The following DCAF10 variants were observed in gnomAD, a reference collection of about 807,000 sequenced individuals.
The protein encoded by DCAF10 is DDB1 and CUL4 associated factor 10, also known as DDB1- and CUL4-associated factor 10.
Under a neutral mutation model 51.9 loss-of-function variants are expected in DCAF10, and 19 were observed. The ratio of observed to expected loss-of-function variants is 0.37; its 90% CI spans 0.26 to 0.54. The LOEUF (loss-of-function observed/expected upper bound fraction) is 0.54, where lower values mean the gene tolerates loss of function less well. Ranked by LOEUF, DCAF10 falls within the 20% of genes least tolerant of loss-of-function variation. DCAF10 has a pLI of 0.87. For synonymous variants in DCAF10, 291 were observed against 297.1 expected (o/e 0.98, Z 0.21); for missense variants, 510 against 730.6 (o/e 0.70, Z 3.48).
In DCAF10 at chr9:37,811,043, T is replaced by TA. The variant is rs1228972676; in HGVS notation, c.540-8244dup. Among the ~76,000 whole-genome samples, 5 of 152,206 alleles carry TA rather than the reference T, an allele frequency of 3.3e-5. No individual in the cohort carries two copies. In the East Asian group the frequency reaches 9.7e-4, roughly 29 times the overall value. On this transcript the variant is annotated intron_variant, in intron 1 of 6. Coordinates refer to ENST00000377724, the MANE Select transcript of DCAF10 (RefSeq NM_024345.5). ...ATGAATCTTCTATGGAAGAAGAAAA[T>TA]ATGCAGCTGAGTGCCGTGGCTTACA...
At position 37,864,119 on chromosome 9, in the gene DCAF10, C is replaced by A. The variant is rs1453758236; in HGVS notation, c.*2611C>A. ...TGGGCAACATGGCGAAACCCCATCT[C>A]TACCAAAAATACAAAAATTAGATGG... On this transcript the variant is annotated 3_prime_UTR_variant, in exon 7 of 7. Coordinates refer to ENST00000377724, the MANE Select transcript of DCAF10 (RefSeq NM_024345.5). 1 of 152,010 alleles carries A rather than the reference C, an allele frequency of 6.6e-6. No homozygotes were observed. The highest frequency in any genetic ancestry group is 2.4e-5 in the African/African-American group (1 of 41,332). The allele number at this position is 152,010 out of a possible 1,614,324, so 9.4% of individuals were successfully genotyped here.
chr9:37,803,346 TAATA>T (rs1829014425), intron 1 of DCAF10, among the ~76,000 whole-genome samples: 1 of 152,182 alleles, frequency 6.6e-6, no homozygotes, highest in Admixed American at 6.6e-5. Flanking sequence ...CTGCTTATGT[TAATA>T]AATATATTTC....
chr9:37,857,366 G>T lies in DCAF10; in HGVS notation c.1165+15G>T. The T allele has an allele frequency of 6.4e-7, 1 of 1,563,818 alleles. No individual in the cohort carries two copies. Among genetic ancestry groups the T allele is most frequent in the Non-Finnish European group, 8.7e-7 (1 of 1,151,258 alleles). ...TCAAAGAGAAGGTAGGTTAAAAGTTGGATTTTATAATCTTGTAACAACAGA... is the reference window on the plus strand; with the variant it reads ...TCAAAGAGAAGGTAGGTTAAAAGTTTGATTTTATAATCTTGTAACAACAGA... On this transcript the variant is annotated intron_variant, in intron 5 of 6. Transcript: ENST00000377724.
At chr9:37,846,573 C>T (rs1830479032) in intron 3 of DCAF10, among the ~76,000 whole-genome samples, 1 of 152,142 alleles carries the variant, frequency 6.6e-6, no homozygotes, top group Non-Finnish European at 1.5e-5. Context: ...CCTCCTGCCT[C>T]AGCCTCCTAA....
intron 2 of DCAF10, among the ~76,000 whole-genome samples, chr9:37,840,222 G>A (rs1830291072): frequency 6.6e-6 from 1 of 152,086 alleles, no homozygotes; most frequent in South Asian, 2.1e-4. Context: ...TACTTACTAT[G>A]TTATACTTAT....
chr9:37,838,076 AAGAT>A (rs1320328541), intron 2 of DCAF10, among the ~76,000 whole-genome samples: 1 of 152,204 alleles, frequency 6.6e-6, no homozygotes, highest in Admixed American at 6.5e-5. Flanking sequence ...AACCATATAA[AAGAT>A]AGAAATATGT....
At position 37,866,523 on chromosome 9, in the gene DCAF10, T is replaced by C. The variant is rs1831140626; in HGVS notation, c.*5015T>C. ...TATGTCTTCTCCCACACTATCAATA[T>C]GCCTGCTTCTAACAGGCTCCCCACT... On this transcript the variant is annotated 3_prime_UTR_variant, in exon 7 of 7. Coordinates refer to ENST00000377724, the MANE Select transcript of DCAF10 (RefSeq NM_024345.5). 1 of 152,244 alleles carries C rather than the reference T, an allele frequency of 6.6e-6. No homozygotes were observed. The highest frequency in any genetic ancestry group is 1.5e-5 in the Non-Finnish European group (1 of 68,032). 9.4% of individuals were successfully genotyped at this position (152,244 alleles called of 1,614,324 possible). A position where few individuals can be genotyped will look rare whatever the true frequency, so the allele number is the denominator to read the frequency against.
chr9:37,857,372 T>C (rs1298795303), intron 5 of DCAF10, 21 bp downstream of exon 5: 2 of 1,536,482 alleles, frequency 1.3e-6, no homozygotes, highest in African/African-American at 1.4e-5. Flanking sequence ...AGTTGGATTT[T>C]ATAATCTTGT....
rs1316846904 is a variant in DCAF10, at chr9:37,865,831, G to A, written c.*4323G>A. The stretch of plus-strand genomic sequence containing the variant: ...ACTATACTAAAAACTTTAAGAAAAG[G>A]AACAAGAAAAAGGTAAATTCATGTG... On this transcript the variant is annotated 3_prime_UTR_variant, in exon 7 of 7. Coordinates refer to ENST00000377724, the MANE Select transcript of DCAF10 (RefSeq NM_024345.5). 6.6e-6 allele frequency: 1 copy of A among 152,004 alleles called. No individual in the cohort carries two copies. Among genetic ancestry groups the A allele is most frequent in the African/African-American group, 2.4e-5 (1 of 41,282 alleles). 9.4% of individuals were successfully genotyped at this position (152,004 alleles called of 1,614,324 possible). A position where few individuals can be genotyped will look rare whatever the true frequency, so the allele number is the denominator to read the frequency against.
chr9:37,857,318 G>A lies in DCAF10; in HGVS notation c.1132G>A (p.Glu378Lys). ...TCATCATAGTGATTCTAATTCTTCT[G>A]AGAAACACATGTCACGAGCCTCTCA... ...PCHHSDSNSS[E>K]KHMSRASQRE... is the part of the protein sequence containing the mutation. The change falls in exon 5 of 7, where the codon GAG becomes AAG. Residue 378 changes from glutamate (E) to lysine (K), a missense_variant. Glu to Lys is a moderately conservative substitution (Grantham distance 56). Transcript: ENST00000377724. 6.2e-7 allele frequency: 1 copy of A among 1,610,508 alleles called. No individual in the cohort carries two copies. The highest frequency in any genetic ancestry group is 8.5e-7 in the Non-Finnish European group (1 of 1,178,738).
intron 1 of DCAF10, among the ~76,000 whole-genome samples, chr9:37,802,521 G>A (rs933795249): frequency 3.9e-5 from 6 of 152,102 alleles, no homozygotes; most frequent in African/African-American, 1.4e-4. Flanking sequence ...TCGTAGAAGG[G>A]CAGCATATCA....
rs547191445 is a variant in DCAF10 at position 37,801,665 on chromosome 9, T to C, written c.539+260T>C. On this transcript the variant is annotated intron_variant, in intron 1 of 6. Coordinates refer to ENST00000377724, the MANE Select transcript of DCAF10 (RefSeq NM_024345.5). This position sits in a 1 kb window ranked among gnomAD's most constrained non-coding sequence, Gnocchi z 5.5. ...TCTGTGAAGGAGAAATGCCCGAAGCTACACAGCGGACCTGTCAGAGCCAGC... is the reference window on the plus strand; with the variant it reads ...TCTGTGAAGGAGAAATGCCCGAAGCCACACAGCGGACCTGTCAGAGCCAGC... Among the ~76,000 whole-genome samples the C allele has an allele frequency of 3.3e-5, 5 of 152,346 alleles. No homozygotes were observed. The East Asian group carries it at 9.6e-4, about 29-fold the overall frequency.
intron 1 of DCAF10, among the ~76,000 whole-genome samples, chr9:37,813,845 CTGAA>C (rs1564027146): frequency 1.3e-5 from 2 of 151,700 alleles, no homozygotes; most frequent in South Asian, 2.1e-4. Flanking sequence ...ATATTTGAAA[CTGAA>C]TGATGAAAAC....
chr9:37,861,007 T>C lies in DCAF10; in HGVS notation c.1312-133T>C. ...CAAGTTTTGTTAGTTGGGAGGGGGA[T>C]AGCATTATTCTGAGTGATTTCTTGT... On this transcript the variant is annotated intron_variant, in intron 6 of 6. Transcript: ENST00000377724. This position sits in a 1 kb window ranked among gnomAD's most constrained non-coding sequence, Gnocchi z 4.9. 3 of 1,246,948 alleles carry C rather than the reference T, an allele frequency of 2.4e-6. No individual in the cohort carries two copies. The highest frequency in any genetic ancestry group is 2.3e-5 in the East Asian group (1 of 42,596). The allele number at this position is 1,246,948 out of a possible 1,614,324, so 77.2% of individuals were successfully genotyped here.
At chr9:37,811,869 C>T (rs1029268384) in intron 1 of DCAF10, among the ~76,000 whole-genome samples, 4 of 151,984 alleles carry the variant, frequency 2.6e-5, no homozygotes, top group Admixed American at 2.6e-4. Flanking sequence ...TCAAGAAAGG[C>T]TATACATCTC....
At chr9:37,808,779 T>TATAA (rs1589075890) in intron 1 of DCAF10, among the ~76,000 whole-genome samples, 45 of 128,572 alleles carry the variant, frequency 3.5e-4, no homozygotes, top group East Asian at 8.1e-4. Context: ...ATAATATATA[T>TATAA]TATATATTTT....
At position 37,860,003 on chromosome 9, in the gene DCAF10, T is replaced by G. The variant is rs954874500; in HGVS notation, c.1166-45T>G. ...AAAAGCTTTGATGAACTGCCTTAGT[T>G]TTTTGATAATACAAATCCCACATCC... On this transcript the variant is annotated intron_variant, in intron 5 of 6. Coordinates refer to ENST00000377724, the MANE Select transcript of DCAF10 (RefSeq NM_024345.5). 5 of 1,609,760 alleles carry G rather than the reference T, an allele frequency of 3.1e-6. No homozygotes were observed. The Admixed American group carries it at 5.0e-5, about 16-fold the overall frequency.
intron 3 of DCAF10, among the ~76,000 whole-genome samples, chr9:37,850,862 ATATATATATATATATATAT>A (rs1830624620): frequency 4.7e-5 from 5 of 106,066 alleles, no homozygotes; most frequent in Non-Finnish European, 9.3e-5. Flanking sequence ...ATATATATAT[ATATATATATATATATATAT>A]AAATTAGCTT....
chr9:37,867,148 C>G lies in DCAF10; in HGVS notation c.*5640C>G, dbSNP rs890246269. ...CTCAAAGTTACCATTACGCTGCTCT[C>G]TTGTAAATGAACTAGGGATAAAGAT... On this transcript the variant is annotated 3_prime_UTR_variant, in exon 7 of 7. Transcript: ENST00000377724. 1.3e-5 allele frequency: 2 copies of G among 152,100 alleles called. No homozygotes were observed. Among genetic ancestry groups the G allele is most frequent in the Admixed American group, 6.6e-5 (1 of 15,262 alleles). The allele number at this position is 152,100 out of a possible 1,614,324, so 9.4% of individuals were successfully genotyped here.
Sources: allele counts gnomAD v4.1 joint callset (sites outside exome capture counted in the v4.1 genomes callset), GRCh38; gene constraint gnomAD v4.1.1; non-coding constraint Gnocchi (gnomAD v3.1); transcripts MANE v1.5; gene names NCBI Gene and HGNC (gene_info 2026-07-23, HGNC 2026-07-21).